The following TRIP12 variants were observed in gnomAD, a reference collection of about 807,000 sequenced individuals.
TRIP12 encodes the protein E3 ubiquitin-protein ligase TRIP12.
A neutral mutation model predicts 244.2 loss-of-function variants in TRIP12; 25 were observed. That is an observed-to-expected ratio of 0.10 (90% confidence interval 0.07 to 0.14). The LOEUF (loss-of-function observed/expected upper bound fraction) is 0.14. TRIP12 is among the 10% of genes least tolerant of loss of function. TRIP12 has a pLI of 1.00. For synonymous variants in TRIP12, 905 were observed against 873.1 expected (o/e 1.04, Z -0.64); for missense variants, 1,677 against 2,486.4 (o/e 0.67, Z 6.92).
intron 37 of TRIP12, among the ~76,000 whole-genome samples, chr2:229,776,160 T>C (rs1287126505): frequency 1.3e-5 from 2 of 152,098 alleles, no homozygotes; most frequent in Non-Finnish European, 2.9e-5. Context: ...ACCAGTAAAA[T>C]AGAGGTAACA....
At position 229,769,376 on chromosome 2, in the gene TRIP12, C is replaced by T. The variant is rs541372455; in HGVS notation, c.5809-51G>A. ...GAATTACTAAGGAAACATTTGTTTA[C>T]GTGAGTGAAAATAAAGGTCTACGTG... On this transcript the variant is annotated intron_variant, in intron 39 of 41. Coordinates refer to ENST00000675903, the MANE Select transcript of TRIP12 (RefSeq NM_001348323.3). 5.5e-5 allele frequency: 86 copies of T among 1,569,846 alleles called. 1 individual carries two copies. The East Asian group carries it at 6.8e-4, about 12-fold the overall frequency.
intron 6 of TRIP12, among the ~76,000 whole-genome samples, chr2:229,833,749 G>A (rs2054050432): frequency 6.6e-6 from 1 of 151,686 alleles, no homozygotes; most frequent in Non-Finnish European, 1.5e-5. Flanking sequence ...TATGAGTTAT[G>A]AGTTATCTAA....
intron 1 of TRIP12, among the ~76,000 whole-genome samples, chr2:229,882,495 C>A (rs929010774): frequency 1.3e-5 from 2 of 152,120 alleles, no homozygotes; most frequent in African/African-American, 4.8e-5. Flanking sequence ...AAGAGCTTTC[C>A]TGGGTATACT....
At chr2:229,922,442 G>A (rs1164800249), upstream of TRIP12, 10 of 1,448,766 alleles carry the variant, frequency 6.9e-6, no homozygotes, top group South Asian at 1.0e-4. Context: ...TTAAACTAGG[G>A]TTTTGGCCCC....
intron 1 of TRIP12, among the ~76,000 whole-genome samples, chr2:229,885,574 G>GT (rs1334032404): frequency 6.6e-6 from 1 of 152,182 alleles, no homozygotes; most frequent in Non-Finnish European, 1.5e-5. Flanking sequence ...ACCAAGTGTG[G>GT]TAAGGGGCAG....
At position 229,789,645 on chromosome 2, in the gene TRIP12, T is replaced by C; in HGVS notation, c.4661A>G (p.His1554Arg). ...LDVILLLRVL[H>R]AISRYWYYLY... ...GTAATACCAGTATCGACTGATAGCA[T>C]GTAAAACTCTTAAAAGAAGGATCAC... The change falls in exon 31 of 42, where the codon CAT (histidine) becomes CGT (arginine). Residue 1554 changes from histidine (H) to arginine (R), a missense_variant. By Grantham distance (29) the His-to-Arg change is conservative. Coordinates refer to ENST00000675903, the MANE Select transcript of TRIP12 (RefSeq NM_001348323.3). The C allele has an allele frequency of 6.2e-7, 1 of 1,614,046 alleles. No homozygotes were observed. The highest frequency in any genetic ancestry group is 8.5e-7 in the Non-Finnish European group (1 of 1,179,954).
chr2:229,805,248 A>AC (rs11276140), intron 18 of TRIP12, among the ~76,000 whole-genome samples: 91 of 152,096 alleles, frequency 6.0e-4, no homozygotes, highest in South Asian at 4.8e-3. Context: ...AACAACAACA[A>AC]AAATATTTGC....
In TRIP12 at chr2:229,858,756, C is replaced by T. The variant is rs2060033438; in HGVS notation, c.1027+16G>A. On this transcript the variant is annotated intron_variant, in intron 4 of 41. Coordinates refer to ENST00000675903, the MANE Select transcript of TRIP12 (RefSeq NM_001348323.3). ...ACTTTCTTTAATTAAAGAAAAATAC[C>T]TTTTTGTAAACTTACTTGCTAATTT... is the stretch of plus-strand genomic sequence containing the variant. 6.5e-7 allele frequency: 1 copy of T among 1,542,982 alleles called. No homozygotes were observed. The highest frequency in any genetic ancestry group is 1.2e-5 in the South Asian group (1 of 81,002).
intron 8 of TRIP12, among the ~76,000 whole-genome samples, chr2:229,820,310 T>A (rs1208755994): frequency 2.0e-5 from 3 of 152,012 alleles, no homozygotes; most frequent in Admixed American, 1.3e-4. Flanking sequence ...AAAATTATCA[T>A]CAATACCAAT....
At chr2:229,836,226 T>C (rs1362307521) in intron 6 of TRIP12, among the ~76,000 whole-genome samples, 3 of 152,230 alleles carry the variant, frequency 2.0e-5, no homozygotes, top group South Asian at 2.1e-4. Context: ...CCTATAGTGA[T>C]TGATTTTAAC....
In TRIP12 at chr2:229,781,530, C is replaced by G. The variant is rs371841756; in HGVS notation, c.5095-2540G>C. On this transcript the variant is annotated intron_variant, in intron 34 of 41. Transcript: ENST00000675903. ...TCACATAGCCAGTAAGTGGGCAGGCCAGGCTCCACATTCCCTGCTCCTGAT... is the reference window on the plus strand; with the variant it reads ...TCACATAGCCAGTAAGTGGGCAGGCGAGGCTCCACATTCCCTGCTCCTGAT... Among the ~76,000 whole-genome samples, 6 of 152,298 alleles carry G rather than the reference C, an allele frequency of 3.9e-5. No homozygotes were observed. In the East Asian group the frequency reaches 5.8e-4, roughly 15 times the overall value.
chr2:229,916,407 A>C (rs2075380711), intron 1 of TRIP12, among the ~76,000 whole-genome samples: 1 of 152,326 alleles, frequency 6.6e-6, no homozygotes, highest in South Asian at 2.1e-4. Context: ...CATAACCATG[A>C]TAGCCAAGTG....
intron 4 of TRIP12, among the ~76,000 whole-genome samples, chr2:229,856,784 G>A (rs1467819399): frequency 1.3e-5 from 2 of 152,200 alleles, no homozygotes; most frequent in Non-Finnish European, 2.9e-5. Flanking sequence ...CAAATAGTTG[G>A]TTGTCCTTTT....
chr2:229,790,700 C>T (rs79162497), intron 30 of TRIP12, among the ~76,000 whole-genome samples: 3,009 of 152,138 alleles, frequency 0.02, 37 homozygotes, highest in Non-Finnish European at 0.03. Flanking sequence ...CGGTTATATT[C>T]GATGGTCATT....
intron 1 of TRIP12, among the ~76,000 whole-genome samples, chr2:229,893,719 G>T (rs2067986376): frequency 6.6e-6 from 1 of 152,022 alleles, no homozygotes; most frequent in South Asian, 2.1e-4. Flanking sequence ...ACTAAGTTTT[G>T]CCCGTTAAGT....
intron 34 of TRIP12, among the ~76,000 whole-genome samples, chr2:229,784,622 T>C (rs1431946020): frequency 6.6e-6 from 1 of 151,022 alleles, no homozygotes; most frequent in East Asian, 1.9e-4. Flanking sequence ...AAGAAAATAA[T>C]GGCCAAAATT....
rs1319835530 is a variant in TRIP12, at chr2:229,864,037, AGAGAGAGAGAGT to A, written c.99-3518_99-3507del. On this transcript the variant is annotated intron_variant, in intron 2 of 41. Coordinates refer to ENST00000675903, the MANE Select transcript of TRIP12 (RefSeq NM_001348323.3). ...GAGAGAGAGAGAGAGAGAGAGAGAGAGAGAGAGAGAGTGTGTGTGTGTGTGTGTGTGTGTGTG... is the reference window on the plus strand; with the variant it reads ...GAGAGAGAGAGAGAGAGAGAGAGAGAGTGTGTGTGTGTGTGTGTGTGTGTG... 4.6e-3 allele frequency among the ~76,000 whole-genome samples: 398 copies of A among 85,842 alleles called. 1 individual carries two copies. The highest frequency in any genetic ancestry group is 0.038 in the East Asian group (99 of 2,588). 56.3% of individuals were successfully genotyped at this position (85,842 alleles called of 152,430 possible). A position where few individuals can be genotyped will look rare whatever the true frequency, so the allele number is the denominator to read the frequency against.
In TRIP12 at chr2:229,859,258, C is replaced by T. The variant is rs1187417245; in HGVS notation, c.541G>A (p.Gly181Arg). 1 of 1,614,114 alleles carries T rather than the reference C, an allele frequency of 6.2e-7. No homozygotes were observed. The highest frequency in any genetic ancestry group is 1.3e-5 in the African/African-American group (1 of 74,926). The change falls in exon 4 of 42, where the codon GGG becomes AGG. Residue 181 changes from glycine to arginine, a missense_variant. This residue lies in a region of TRIP12 where 387 missense variants were observed against 392.6 expected (regional missense o/e 0.99). Coordinates refer to ENST00000675903, the MANE Select transcript of TRIP12 (RefSeq NM_001348323.3). ...STSKAHTRKS[G>R]ATGGSRSQKR... is the part of the protein sequence containing the mutation. Reference sequence around the variant, plus strand: ...TGACTCCGTGAACCGCCAGTGGCCCCACTCTTCCTGGTATGAGCCTTGCTT... The same window carrying T: ...TGACTCCGTGAACCGCCAGTGGCCCTACTCTTCCTGGTATGAGCCTTGCTT...
At chr2:229,839,431 A>T (rs952872520) in intron 5 of TRIP12, among the ~76,000 whole-genome samples, 5 of 152,168 alleles carry the variant, frequency 3.3e-5, no homozygotes, top group Non-Finnish European at 5.9e-5. Flanking sequence ...TAATCCCAGC[A>T]CTTTGGGAGG....
Sources: gnomAD v4.1 joint callset for allele counts (sites outside exome capture counted in the v4.1 genomes callset) on GRCh38, gnomAD v4.1.1 for gene constraint, gnomAD v4.1.1 regional missense constraint, MANE v1.5 for transcripts, NCBI Gene and HGNC (gene_info 2026-07-23, HGNC 2026-07-21) for gene names.